The following CDK12 variants were observed in gnomAD, a reference collection of about 807,000 sequenced individuals.
CDK12 encodes the protein cyclin-dependent kinase 12.
In CDK12, 17 loss-of-function variants were observed where a neutral mutation model predicts 133.8. That is an observed-to-expected ratio of 0.13 (90% confidence interval 0.09 to 0.19). CDK12 has a LOEUF of 0.19. Ranked by LOEUF, CDK12 falls within the 10% of genes least tolerant of loss-of-function variation. CDK12 has a pLI of 1.00. For missense variants in CDK12, 1,508 were observed against 1,818.7 expected, an observed-to-expected ratio of 0.83 and a Z score of 3.11; for synonymous variants, 694 against 683.6, an observed-to-expected ratio of 1.02 and a Z score of -0.24.
chr17:39,497,755 C>G (rs970364910), intron 5 of CDK12, among the ~76,000 whole-genome samples: 1 of 151,894 alleles, frequency 6.6e-6, no homozygotes, highest in African/African-American at 2.4e-5. Flanking sequence ...AGGCATGCAC[C>G]ACCACATCCA....
downstream of CDK12, among the ~76,000 whole-genome samples, chr17:39,535,963 C>T (rs1173460153): frequency 6.6e-6 from 1 of 152,088 alleles, no homozygotes; most frequent in Non-Finnish European, 1.5e-5. Flanking sequence ...TCTGGTTGTC[C>T]TGAGAGGCAA....
chr17:39,519,565 A>C (rs1015251569), intron 10 of CDK12, among the ~76,000 whole-genome samples: 4 of 150,276 alleles, frequency 2.7e-5, no homozygotes, highest in African/African-American at 9.8e-5. Context: ...GACTGTAGGC[A>C]TGAGCCACCA....
intron 13 of CDK12, among the ~76,000 whole-genome samples, chr17:39,529,154 A>G (rs2054673530): frequency 6.6e-6 from 1 of 152,160 alleles, no homozygotes; most frequent in South Asian, 2.1e-4. Context: ...GAACATTGAC[A>G]ACCTGGAAAA....
intron 2 of CDK12, among the ~76,000 whole-genome samples, chr17:39,479,713 G>C (rs992892128): frequency 2.0e-5 from 3 of 149,948 alleles, no homozygotes; most frequent in Non-Finnish European, 4.4e-5. Flanking sequence ...TGTAATCTCC[G>C]CCTCTCGGGT....
upstream of CDK12, among the ~76,000 whole-genome samples, chr17:39,542,939 C>G (rs1299206633): frequency 6.6e-6 from 1 of 152,238 alleles, no homozygotes; most frequent in African/African-American, 2.4e-5. Flanking sequence ...TTAACCCAAA[C>G]TTCAAAGAGC....
At chr17:39,515,858 A>G in intron 9 of CDK12, 50 bp downstream of exon 9, 1 of 1,191,290 alleles carries the variant, frequency 8.4e-7, no homozygotes, top group Non-Finnish European at 1.2e-6. Context: ...AGGTATTCTC[A>G]TCCTCCAGTT....
intron 1 of CDK12, 64 bp from the exon 2 acceptor site, chr17:39,470,815 G>C: frequency 3.9e-6 from 5 of 1,284,004 alleles, no homozygotes; most frequent in Non-Finnish European, 4.3e-6. Context: ...TTGTTTTATT[G>C]ATCTGTTTTC....
At position 39,492,765 on chromosome 17, in the gene CDK12, G is replaced by A. The variant is rs1367487092; in HGVS notation, c.2123G>A (p.Arg708His). ...TTACTTTTTAGAATTTGTTGTCCTCGTTATGGAGAAAGAAGACAAACAGAA... is the reference window on the plus strand; with the variant it reads ...TTACTTTTTAGAATTTGTTGTCCTCATTATGGAGAAAGAAGACAAACAGAA... Reference protein sequence around the residue: ...YKKRPKICCPRYGERRQTESD... With the variant: ...YKKRPKICCPHYGERRQTESD... The change falls in exon 4 of 14, where the codon CGT becomes CAT. Residue 708 changes from arginine (R) to histidine (H), a missense_variant. This residue lies in a region of CDK12 where 74 missense variants were observed against 160.2 expected (regional missense o/e 0.46). Coordinates refer to ENST00000447079, the MANE Select transcript of CDK12 (RefSeq NM_016507.4). The A allele has an allele frequency of 6.9e-6, 10 of 1,459,082 alleles. No individual in the cohort carries two copies. The highest frequency in any genetic ancestry group is 2.3e-5 in the South Asian group (2 of 87,416). 90.4% of individuals were successfully genotyped at this position (1,459,082 alleles called of 1,614,324 possible).
chr17:39,478,200 A>ATT lies in CDK12; in HGVS notation c.1931+6447_1931+6448dup, dbSNP rs71353586. On this transcript the variant is annotated intron_variant, in intron 2 of 13. Coordinates refer to ENST00000447079, the MANE Select transcript of CDK12 (RefSeq NM_016507.4). ...GTGTGAGCCACTGAGTTTGGCCATTATTTTTTTTTTTGAGATGGATTCCTG... is the reference window on the plus strand; with the variant it reads ...GTGTGAGCCACTGAGTTTGGCCATTATTTTTTTTTTTTTGAGATGGATTCCTG... Among the ~76,000 whole-genome samples, 489 of 146,976 alleles carry ATT rather than the reference A, an allele frequency of 3.3e-3. 2 individuals carry two copies. The highest frequency in any genetic ancestry group is 4.8e-3 in the Non-Finnish European group (318 of 66,906).
chr17:39,518,827 G>C (rs985729693), intron 10 of CDK12, among the ~76,000 whole-genome samples: 4 of 152,038 alleles, frequency 2.6e-5, no homozygotes, highest in African/African-American at 9.7e-5. Context: ...CCAAAGAGCT[G>C]GGATTATAGG....
intron 11 of CDK12, among the ~76,000 whole-genome samples, chr17:39,522,752 G>A (rs1001689281): frequency 6.6e-6 from 1 of 151,830 alleles, no homozygotes; most frequent in African/African-American, 2.4e-5. Context: ...GAATTTTGAT[G>A]TAAGAAATAA....
intron 2 of CDK12, among the ~76,000 whole-genome samples, chr17:39,552,565 T>C (rs2055996965): frequency 6.6e-6 from 1 of 152,148 alleles, no homozygotes; most frequent in Non-Finnish European, 1.5e-5. Flanking sequence ...TAAGCCCTCT[T>C]TTTCACCCTT....
chr17:39,463,939 A>G (rs1197329673), intron 1 of CDK12, among the ~76,000 whole-genome samples: 1 of 152,040 alleles, frequency 6.6e-6, no homozygotes, highest in Non-Finnish European at 1.5e-5. Context: ...TTGTGGCCTC[A>G]CTTCTGTTCA....
chr17:39,532,065 C>CT lies in CDK12; in HGVS notation c.*752dup, dbSNP rs2054875436. 1 of 229,552 alleles carries CT rather than the reference C, an allele frequency of 4.4e-6. No individual in the cohort carries two copies. The highest frequency in any genetic ancestry group is 2.3e-5 in the African/African-American group (1 of 43,544). 14.2% of individuals were successfully genotyped at this position (229,552 alleles called of 1,614,324 possible). A position where few individuals can be genotyped will look rare whatever the true frequency, so the allele number is the denominator to read the frequency against. ...CAAGTAGGTAGACTTTACCCAGTCT[C>CT]TTTCCTTTTTTGCTGATGTGTGCTC... is the stretch of plus-strand genomic sequence containing the variant. On this transcript the variant is annotated 3_prime_UTR_variant, in exon 14 of 14. Transcript: ENST00000447079.
Position 39,471,587 on chromosome 17 carries a change from C to T in CDK12, c.1755C>T (p.Pro585=), listed in dbSNP as rs773116851. 6.2e-7 allele frequency: 1 copy of T among 1,614,100 alleles called. No homozygotes were observed. Among genetic ancestry groups the T allele is most frequent in the Non-Finnish European group, 8.5e-7 (1 of 1,180,016 alleles). ...QVPASSTSTL[P]PSTHSKTSAV... ...CTGCTTCCAGTACTTCAACTTTGCC[C>T]CCTTCTACTCACTCAAAGACATCTG... Residue 585 remains proline (P), a synonymous_variant, in exon 2 of 14, where the codon CCC becomes CCT. Coordinates refer to ENST00000447079, the MANE Select transcript of CDK12 (RefSeq NM_016507.4).
intron 3 of CDK12, among the ~76,000 whole-genome samples, chr17:39,559,857 T>TAA (rs56017248): frequency 3.0e-5 from 4 of 133,968 alleles, no homozygotes; most frequent in Non-Finnish European, 4.7e-5. Context: ...GAAAAAATGT[T>TAA]AAAAAAAAAA....
At chr17:39,490,498 A>C (rs1317985687) in intron 2 of CDK12, 59 bp from the exon 3 acceptor site, 13 of 1,298,232 alleles carry the variant, frequency 1.0e-5, no homozygotes, top group Non-Finnish European at 1.4e-5. Flanking sequence ...GATCTTTGAA[A>C]ATTTTTATTT....
At chr17:39,562,080 C>T (rs1009960221) in intron 3 of CDK12, among the ~76,000 whole-genome samples, 1 of 152,166 alleles carries the variant, frequency 6.6e-6, no homozygotes, top group Admixed American at 6.5e-5. Context: ...GCTGGGATTA[C>T]AGGCGCGCAC....
In CDK12 at chr17:39,465,170, C is replaced by T. The variant is rs529668641; in HGVS notation, c.1046+2053C>T. ...CTGAGGCAGGAGAATCAGTTGAGCC[C>T]GGGAGGCAGAGGTTGCAGTGAGCTG... On this transcript the variant is annotated intron_variant, in intron 1 of 13. Transcript: ENST00000447079. Among the ~76,000 whole-genome samples, 19 of 145,970 alleles carry T rather than the reference C, an allele frequency of 1.3e-4. No homozygotes were observed. The South Asian group carries it at 2.3e-3, about 18-fold the overall frequency.
Sources: allele counts gnomAD v4.1 joint callset (sites outside exome capture counted in the v4.1 genomes callset), GRCh38; gene constraint gnomAD v4.1.1; regional missense constraint gnomAD v4.1.1; transcripts MANE v1.5; gene names NCBI Gene and HGNC (gene_info 2026-07-23, HGNC 2026-07-21).